CLPX: variants seen among roughly 807,000 people sequenced by gnomAD.
The protein encoded by CLPX is caseinolytic mitochondrial matrix peptidase chaperone subunit X, also known as ATP-dependent clpX-like chaperone, mitochondrial.
In CLPX, 34 loss-of-function variants were observed where a neutral mutation model predicts 76.4. The observed-to-expected ratio is 0.45, with a 90% CI of 0.34 to 0.59. The LOEUF is 0.59. Among genes scored for constraint, CLPX ranks in the 20% least tolerant of loss-of-function variants. CLPX has a pLI of 0.01. For missense variants in CLPX, 613 were observed against 757.0 expected (o/e 0.81, Z 2.23); for synonymous variants, 248 against 270.9 (o/e 0.92, Z 0.83).
chr15:65,160,765 T>A (rs780349740), intron 6 of CLPX, among the ~76,000 whole-genome samples: 1 of 152,140 alleles, frequency 6.6e-6, no homozygotes, highest in Admixed American at 6.6e-5. Flanking sequence ...AAAAAAGAAA[T>A]AATTTAAATG....
At chr15:65,156,091 G>C (rs1372837969) in intron 9 of CLPX, among the ~76,000 whole-genome samples, 1 of 152,128 alleles carries the variant, frequency 6.6e-6, no homozygotes, top group East Asian at 1.9e-4. Context: ...CAGGAAAACA[G>C]TCAACCTGAG....
chr15:65,182,307 C>G (rs1191145524), intron 1 of CLPX, among the ~76,000 whole-genome samples: 1 of 151,938 alleles, frequency 6.6e-6, no homozygotes, highest in African/African-American at 2.4e-5. Context: ...CTGGTGAAGC[C>G]TCTGAATAGA....
intron 8 of CLPX, 30 bp from the exon 9 acceptor site, chr15:65,156,962 T>C: frequency 1.4e-6 from 2 of 1,458,356 alleles, no homozygotes; most frequent in Non-Finnish European, 1.9e-6. Flanking sequence ...CTATTTATAA[T>C]ACGAAAAAGA....
At position 65,179,006 on chromosome 15, in the gene CLPX, A is replaced by G; in HGVS notation, c.286T>C (p.Ser96Pro). Residue 96 changes from serine to proline, a missense_variant, in exon 3 of 14, where the codon TCT becomes CCT. Ser to Pro is a moderately conservative substitution (Grantham distance 74). This residue lies in a region of CLPX where 163 missense variants were observed against 118.4 expected (regional missense o/e 1.38). Coordinates refer to ENST00000300107, the MANE Select transcript of CLPX (RefSeq NM_006660.5). ...CGCAGCTGGTTTCCACCTTTCCCAG[A>G]ATTCCCAGAGCCTGATTTCTTACTA... ...GSSKKSGSGN[S>P]GKGGNQLRCP... 6.2e-7 allele frequency: 1 copy of G among 1,612,342 alleles called. No individual in the cohort carries two copies.
At chr15:65,168,515 G>A (rs1316468955) in intron 3 of CLPX, among the ~76,000 whole-genome samples, 3 of 138,596 alleles carry the variant, frequency 2.2e-5, no homozygotes, top group Admixed American at 7.9e-5. Flanking sequence ...ACCAAACACC[G>A]CATGTTCTCA....
chr15:65,165,540 C>T (rs1012638283), intron 4 of CLPX, among the ~76,000 whole-genome samples: 12 of 151,856 alleles, frequency 7.9e-5, no homozygotes, highest in South Asian at 4.2e-4. Flanking sequence ...CCCGCCACCA[C>T]GCCGGGCTAA....
Position 65,155,140 on chromosome 15 carries a change from A to C in CLPX, c.1312-59T>G, listed in dbSNP as rs2087771572. On this transcript the variant is annotated intron_variant, in intron 10 of 13. Transcript: ENST00000300107. Reference sequence around the variant, plus strand: ...AGAATCAAATGATAGTGTATTAAGTACTTTTCCTACATATTTCATATGATC... The same window carrying C: ...AGAATCAAATGATAGTGTATTAAGTCCTTTTCCTACATATTTCATATGATC... 6 of 1,355,594 alleles carry C rather than the reference A, an allele frequency of 4.4e-6. No homozygotes were observed. In the Admixed American group the frequency reaches 9.8e-5, roughly 22 times the overall value. 84.0% of individuals were successfully genotyped at this position (1,355,594 alleles called of 1,614,324 possible).
intron 3 of CLPX, among the ~76,000 whole-genome samples, chr15:65,168,384 A>C (rs1444284660): frequency 6.7e-5 from 4 of 59,802 alleles, no homozygotes; most frequent in African/African-American, 2.8e-4. Context: ...ACTCTGTCTC[A>C]AAAAAAAAAA....
Position 65,158,765 on chromosome 15 carries a change from C to A in CLPX, c.716-14G>T. On this transcript the variant is annotated splice_polypyrimidine_tract_variant and intron_variant, in intron 6 of 13. Coordinates refer to ENST00000300107, the MANE Select transcript of CLPX (RefSeq NM_006660.5). ...TCTGAAGCAATTCTGAAAAAAATGC[C>A]AAAGGAATTACTTGAGCTTCATTTG... 1.9e-6 allele frequency: 3 copies of A among 1,552,264 alleles called. No individual in the cohort carries two copies. The highest frequency in any genetic ancestry group is 2.3e-5 in the East Asian group (1 of 42,802).
chr15:65,169,169 G>A (rs1400989536), intron 3 of CLPX, among the ~76,000 whole-genome samples: 1 of 151,830 alleles, frequency 6.6e-6, no homozygotes, highest in Non-Finnish European at 1.5e-5. Context: ...GACTACAGGC[G>A]CCTCTCGATC....
chr15:65,174,557 C>A (rs1370002113), intron 3 of CLPX, among the ~76,000 whole-genome samples: 2 of 152,186 alleles, frequency 1.3e-5, no homozygotes, highest in African/African-American at 4.8e-5. Context: ...GCCACCATGC[C>A]GGGCCACAAC....
chr15:65,160,317 T>A (rs1475208822), intron 6 of CLPX, among the ~76,000 whole-genome samples: 1 of 152,210 alleles, frequency 6.6e-6, no homozygotes, highest in Non-Finnish European at 1.5e-5. Context: ...AACATCTGGA[T>A]TAAATTGTGC....
chr15:65,155,188 G>T, intron 10 of CLPX, 107 bp from the exon 11 acceptor site: 1 of 980,392 alleles, frequency 1.0e-6, no homozygotes, highest in Non-Finnish European at 1.5e-6. Flanking sequence ...CTATGAAGAA[G>T]GTTTTATTAT....
chr15:65,155,894 A>T, intron 9 of CLPX, 38 bp from the exon 10 acceptor site: 1 of 1,524,018 alleles, frequency 6.6e-7, no homozygotes, highest in South Asian at 1.1e-5. Flanking sequence ...ATCACCATAT[A>T]AGCACATTAT....
chr15:65,170,517 C>A (rs1055667570), intron 3 of CLPX, among the ~76,000 whole-genome samples: 1 of 152,074 alleles, frequency 6.6e-6, no homozygotes, highest in African/African-American at 2.4e-5. Flanking sequence ...GTAATCCCAG[C>A]ACTTTGGGAG....
At chr15:65,163,961 G>A (rs921231565) in intron 5 of CLPX, 68 bp downstream of exon 5, 4 of 1,360,438 alleles carry the variant, frequency 2.9e-6, no homozygotes, top group South Asian at 2.5e-5. Context: ...AAGAAAGTGA[G>A]GAGTTACAAA....
At chr15:65,155,423 G>T (rs1000049853) in intron 10 of CLPX, among the ~76,000 whole-genome samples, 4 of 152,074 alleles carry the variant, frequency 2.6e-5, no homozygotes, top group Non-Finnish European at 4.4e-5. Flanking sequence ...CTAATTTTTT[G>T]TATTTTTAGT....
chr15:65,180,346 C>A, intron 1 of CLPX, 142 bp from the exon 2 acceptor site: 1 of 531,150 alleles, frequency 1.9e-6, no homozygotes, highest in Non-Finnish European at 3.1e-6. Flanking sequence ...AAAATGACAC[C>A]AACGGAGGCA....
intron 1 of CLPX, among the ~76,000 whole-genome samples, chr15:65,181,318 GTTA>G (rs1222534992): frequency 6.6e-6 from 1 of 152,170 alleles, no homozygotes; most frequent in African/African-American, 2.4e-5. Flanking sequence ...AAAATGGAGA[GTTA>G]TTGTTGTAAT....
Sources: gnomAD v4.1 joint callset for allele counts (sites outside exome capture counted in the v4.1 genomes callset) on GRCh38, gnomAD v4.1.1 for gene constraint, gnomAD v4.1.1 regional missense constraint, MANE v1.5 for transcripts, NCBI Gene and HGNC (gene_info 2026-07-23, HGNC 2026-07-21) for gene names.